Variants in FIGN observed in about 807,000 individuals in gnomAD.
FIGN encodes the protein fidgetin, microtubule severing factor.
In FIGN, 11 loss-of-function variants were observed where a neutral mutation model predicts 51.3. The observed-to-expected ratio is 0.21, with a 90% CI of 0.13 to 0.35. The LOEUF is 0.35. Among genes scored for constraint, FIGN ranks in the 10% least tolerant of loss-of-function variants. The pLI is 1.00. For missense variants in FIGN, 857 were observed against 943.6 expected, an observed-to-expected ratio of 0.91 and a Z score of 1.20; for synonymous variants, 407 against 363.2, an observed-to-expected ratio of 1.12 and a Z score of -1.37.
chr2:163,631,637 T>C (rs981288647), intron 2 of FIGN, among the ~76,000 whole-genome samples: 1 of 152,168 alleles, frequency 6.6e-6, no homozygotes, highest in Non-Finnish European at 1.5e-5. Context: ...TTTGTACTTA[T>C]ACTGCATTTT....
intron 2 of FIGN, among the ~76,000 whole-genome samples, chr2:163,730,516 G>A (rs1653396851): frequency 6.6e-6 from 1 of 151,880 alleles, no homozygotes; most frequent in Non-Finnish European, 1.5e-5. Context: ...GTGTGTGTGT[G>A]TGTGTGTGTG....
At chr2:163,633,495 C>T (rs13033529) in intron 2 of FIGN, among the ~76,000 whole-genome samples, 1 of 152,168 alleles carries the variant, frequency 6.6e-6, no homozygotes, top group Middle Eastern at 3.2e-3. Flanking sequence ...TCTTGCTCTT[C>T]CAGCTCAAGC....
intron 2 of FIGN, among the ~76,000 whole-genome samples, chr2:163,702,281 C>G (rs946341242): frequency 6.6e-6 from 1 of 152,160 alleles, no homozygotes; most frequent in South Asian, 2.1e-4. Flanking sequence ...AAGCTTCAGG[C>G]TCCACAAAAC....
chr2:163,665,777 G>A (rs1459846127), intron 2 of FIGN, among the ~76,000 whole-genome samples: 2 of 152,086 alleles, frequency 1.3e-5, no homozygotes, highest in Non-Finnish European at 1.5e-5. Flanking sequence ...TCATAAGAGA[G>A]TATCATTTAA....
intron 2 of FIGN, among the ~76,000 whole-genome samples, chr2:163,647,411 T>C (rs189821593): frequency 7.9e-5 from 12 of 152,218 alleles, no homozygotes; most frequent in Middle Eastern, 3.4e-3. Context: ...AACTTTATCA[T>C]AAAATGACAA....
At chr2:163,676,216 T>G (rs1683961291) in intron 2 of FIGN, among the ~76,000 whole-genome samples, 1 of 151,472 alleles carries the variant, frequency 6.6e-6, no homozygotes, top group Non-Finnish European at 1.5e-5. Flanking sequence ...AATCTATAAA[T>G]TCATTTTCAA....
chr2:163,611,622 T>C lies in FIGN; in HGVS notation c.210A>G (p.Lys70=), dbSNP rs1190840432. The C allele has an allele frequency of 9.3e-6, 15 of 1,614,070 alleles. No homozygotes were observed. Among genetic ancestry groups the C allele is most frequent in the South Asian group, 4.4e-5 (4 of 91,084 alleles). ...AAATGCCGGAATACTTCTCTGCATA[T>C]TTTTTTAGTAGGTTGGATGCAGTCA... The part of the protein sequence containing the change: ...SALTASNLLK[K]YAEKYSGILE... The change falls in exon 3 of 3, where the codon AAA becomes AAG. Residue 70 remains lysine, a synonymous_variant. Transcript: ENST00000333129.
intron 2 of FIGN, among the ~76,000 whole-genome samples, chr2:163,646,781 G>A (rs902836358): frequency 6.6e-6 from 1 of 152,164 alleles, no homozygotes; most frequent in Non-Finnish European, 1.5e-5. Context: ...GATTGAAGGT[G>A]GCTTGCCAAC....
At chr2:163,666,945 ATG>A (rs1330846402) in intron 2 of FIGN, among the ~76,000 whole-genome samples, 1 of 151,910 alleles carries the variant, frequency 6.6e-6, no homozygotes, top group Non-Finnish European at 1.5e-5. Flanking sequence ...CTATATATTT[ATG>A]TGTGTGTATG....
chr2:163,718,233 C>T (rs2105361090), intron 2 of FIGN, among the ~76,000 whole-genome samples: 1 of 152,240 alleles, frequency 6.6e-6, no homozygotes, highest in Non-Finnish European at 1.5e-5. Context: ...CAGCCAGCTG[C>T]CATGGAGGGG....
intron 2 of FIGN, among the ~76,000 whole-genome samples, chr2:163,712,051 CT>C (rs1293485920): frequency 1.3e-5 from 2 of 152,104 alleles, no homozygotes; most frequent in East Asian, 3.9e-4. Context: ...ATTGCTTTGC[CT>C]TTTTTTAAAC....
chr2:163,695,370 G>A (rs1242129235), intron 2 of FIGN, among the ~76,000 whole-genome samples: 1 of 151,976 alleles, frequency 6.6e-6, no homozygotes, highest in African/African-American at 2.4e-5. Flanking sequence ...TGCATCTCTA[G>A]CTCATGTAAA....
chr2:163,673,160 T>G (rs1296975806), intron 2 of FIGN, among the ~76,000 whole-genome samples: 1 of 152,096 alleles, frequency 6.6e-6, no homozygotes, highest in East Asian at 1.9e-4. Context: ...AAAATTAACT[T>G]GCCCTAAATG....
chr2:163,706,231 GTTGT>G (rs1220769520), intron 2 of FIGN, among the ~76,000 whole-genome samples: 1 of 151,940 alleles, frequency 6.6e-6, no homozygotes, highest in Non-Finnish European at 1.5e-5. Context: ...AGTTTTCCAT[GTTGT>G]TTATTTCCAA....
chr2:163,669,126 A>C (rs894174407), intron 2 of FIGN, among the ~76,000 whole-genome samples: 12 of 151,622 alleles, frequency 7.9e-5, no homozygotes, highest in African/African-American at 2.9e-4. Flanking sequence ...ATATTTTCTC[A>C]ACTGAAAAAA....
intron 2 of FIGN, among the ~76,000 whole-genome samples, chr2:163,645,890 G>A (rs1214125896): frequency 2.0e-5 from 3 of 152,126 alleles, no homozygotes; most frequent in Non-Finnish European, 4.4e-5. Context: ...TACAGATGGA[G>A]TCACCCTCCA....
chr2:163,714,130 C>A (rs997905043), intron 2 of FIGN, among the ~76,000 whole-genome samples: 2 of 152,270 alleles, frequency 1.3e-5, no homozygotes, highest in African/African-American at 4.8e-5. Context: ...GAGCCTTAAA[C>A]CTTCATGGCA....
At chr2:163,645,333 C>G (rs1427693731) in intron 2 of FIGN, among the ~76,000 whole-genome samples, 1 of 152,100 alleles carries the variant, frequency 6.6e-6, no homozygotes, top group Non-Finnish European at 1.5e-5. Flanking sequence ...AAGGCCCTAG[C>G]ATTGCAACCA....
At chr2:163,696,192 AAAG>A (rs951260528) in intron 2 of FIGN, among the ~76,000 whole-genome samples, 7 of 152,144 alleles carry the variant, frequency 4.6e-5, no homozygotes, top group African/African-American at 7.2e-5. Flanking sequence ...AGTGATCTAA[AAAG>A]AAGAAGACTG....
Sources: allele counts gnomAD v4.1 joint callset (sites outside exome capture counted in the v4.1 genomes callset), GRCh38; gene constraint gnomAD v4.1.1; transcripts MANE v1.5; gene names NCBI Gene and HGNC (gene_info 2026-07-23, HGNC 2026-07-21).